Variants in MAN1C1 observed in about 807,000 individuals in gnomAD.
MAN1C1 encodes mannosyl-oligosaccharide 1,2-alpha-mannosidase IC.
In MAN1C1, 49 loss-of-function variants were observed where a neutral mutation model predicts 71.5. The observed-to-expected ratio is 0.69, with a 90% confidence interval of 0.54 to 0.87. The LOEUF (loss-of-function observed/expected upper bound fraction) is 0.87. MAN1C1 is among the 40% of genes least tolerant of loss of function. The pLI is 0.00. For missense variants in MAN1C1, 743 were observed against 835.0 expected, an observed-to-expected ratio of 0.89 and a Z score of 1.36; for synonymous variants, 352 against 343.7, an observed-to-expected ratio of 1.02 and a Z score of -0.27.
intron 1 of MAN1C1, among the ~76,000 whole-genome samples, chr1:25,628,522 G>GCTCTCGAA (rs576199657): frequency 9.6e-4 from 146 of 152,236 alleles, no homozygotes; most frequent in Middle Eastern, 3.4e-3. Context: ...TGGTCAGGCT[G>GCTCTCGAA]CTCTCGAACT....
chr1:25,767,562 TCACACACACCCACACACACAGACC>T (rs1191162555), intron 7 of MAN1C1, among the ~76,000 whole-genome samples: 6 of 82,110 alleles, frequency 7.3e-5, no homozygotes, highest in East Asian at 4.3e-4. Context: ...CACACTCCCC[TCACACACACCCACACACACAGACC>T]CACATACCAC....
chr1:25,706,812 A>G (rs772955178), intron 2 of MAN1C1, among the ~76,000 whole-genome samples: 1 of 152,162 alleles, frequency 6.6e-6, no homozygotes, highest in African/African-American at 2.4e-5. Flanking sequence ...TCATGACCCT[A>G]CTAGGCCTGG....
In MAN1C1 at chr1:25,778,275, G is replaced by A; in HGVS notation, c.1428G>A (p.Glu476=). Residue 476 remains glutamate, a synonymous_variant, in exon 9 of 12, where the codon GAG becomes GAA. Coordinates refer to ENST00000374332, the MANE Select transcript of MAN1C1 (RefSeq NM_020379.4). The surrounding 1 kb of genome is among the most constrained non-coding windows in gnomAD (Gnocchi z 5.5). ...AAGAAAAGAGGGCCCACTACCGAGA[G>A]CTCGCAGCCCAGATCACCAAGACGT... ...AKEEKRAHYR[E]LAAQITKTCH... 6.2e-7 allele frequency: 1 copy of A among 1,614,048 alleles called. No individual in the cohort carries two copies. The highest frequency in any genetic ancestry group is 8.5e-7 in the Non-Finnish European group (1 of 1,179,958).
intron 2 of MAN1C1, among the ~76,000 whole-genome samples, chr1:25,705,600 G>A (rs992365942): frequency 6.6e-6 from 1 of 152,188 alleles, no homozygotes; most frequent in Admixed American, 6.5e-5. Flanking sequence ...TTTAGAACAG[G>A]ACTAGCTAAC....
intron 8 of MAN1C1, among the ~76,000 whole-genome samples, chr1:25,773,120 C>T (rs980398478): frequency 3.9e-5 from 6 of 152,240 alleles, no homozygotes; most frequent in Admixed American, 6.5e-5. Flanking sequence ...TATCTGGGAT[C>T]AGAGATCTTG....
chr1:25,740,529 C>T (rs972162099), intron 2 of MAN1C1, among the ~76,000 whole-genome samples: 26 of 152,090 alleles, frequency 1.7e-4, no homozygotes, highest in African/African-American at 6.0e-4. Context: ...CTCCGCCTCC[C>T]GAGTTCATGC....
chr1:25,658,026 A>G (rs1398654248), intron 1 of MAN1C1, among the ~76,000 whole-genome samples: 1 of 152,330 alleles, frequency 6.6e-6, no homozygotes, highest in South Asian at 2.1e-4. Flanking sequence ...GCTCTACACC[A>G]TCTCCTTGCC....
intron 2 of MAN1C1, among the ~76,000 whole-genome samples, chr1:25,694,495 C>T (rs1159203948): frequency 6.6e-6 from 1 of 152,220 alleles, no homozygotes; most frequent in Non-Finnish European, 1.5e-5. Flanking sequence ...ATTTTCAGAT[C>T]ACAGGCTGGG....
chr1:25,642,079 C>A (rs911839908), intron 1 of MAN1C1, among the ~76,000 whole-genome samples: 5 of 152,130 alleles, frequency 3.3e-5, no homozygotes, highest in African/African-American at 4.8e-5. Context: ...TTTGCCTGTC[C>A]CACCTAAATC....
intron 2 of MAN1C1, among the ~76,000 whole-genome samples, chr1:25,743,886 G>T (rs1423611717): frequency 6.6e-6 from 1 of 152,242 alleles, no homozygotes; most frequent in Non-Finnish European, 1.5e-5. Flanking sequence ...AGTGGGTGGG[G>T]TGGGGTGAGC....
chr1:25,738,633 G>T (rs546776870), intron 2 of MAN1C1, among the ~76,000 whole-genome samples: 2 of 152,204 alleles, frequency 1.3e-5, no homozygotes, highest in Non-Finnish European at 2.9e-5. Context: ...AGGCTGACTC[G>T]ACAGCTGGGT....
At position 25,661,784 on chromosome 1, in the gene MAN1C1, T is replaced by G. The variant is rs1187202962; in HGVS notation, c.541-24656T>G. On this transcript the variant is annotated intron_variant, in intron 1 of 11. Transcript: ENST00000374332. ...TTGAAGGGAGATCTAAGATGAAACC[T>G]TTGCACCTGCAAGGAGTTAAAAATA... Among the ~76,000 whole-genome samples, 4 of 152,206 alleles carry G rather than the reference T, an allele frequency of 2.6e-5. No homozygotes were observed. The East Asian group carries it at 5.8e-4, about 22-fold the overall frequency.
rs573982144 is a variant in MAN1C1, at chr1:25,691,781, A to G, written c.637+5245A>G. On this transcript the variant is annotated intron_variant, in intron 2 of 11. Transcript: ENST00000374332. ...TAGGCTGTGTACCTCTCACAACTTC[A>G]TTTAAGCAGCTTACACTGGAACTTT... 4.6e-5 allele frequency among the ~76,000 whole-genome samples: 7 copies of G among 152,290 alleles called. No individual in the cohort carries two copies. In the South Asian group the frequency reaches 1.5e-3, roughly 32 times the overall value.
chr1:25,697,874 T>A (rs1280150184), intron 2 of MAN1C1, among the ~76,000 whole-genome samples: 1 of 152,192 alleles, frequency 6.6e-6, no homozygotes, highest in Non-Finnish European at 1.5e-5. Flanking sequence ...TGCCCCATTA[T>A]CCTTGCCAGT....
intron 9 of MAN1C1, among the ~76,000 whole-genome samples, chr1:25,780,278 C>A (rs12043011): frequency 0.12 from 18,834 of 152,118 alleles, 1,371 homozygotes; most frequent in South Asian, 0.31. Flanking sequence ...AGAATGACAG[C>A]AAATTGCCTC....
rs1231077427 is a variant in MAN1C1, at chr1:25,753,795, C to A, written c.929+217C>A. Among the ~76,000 whole-genome samples the A allele has an allele frequency of 6.6e-6, 1 of 152,134 alleles. No individual in the cohort carries two copies. The highest frequency in any genetic ancestry group is 1.9e-4 in the East Asian group (1 of 5,178). On this transcript the variant is annotated intron_variant, in intron 5 of 11. Transcript: ENST00000374332. The surrounding 1 kb of genome is among the most constrained non-coding windows in gnomAD (Gnocchi z 4.9). ...ACCTACCTTGGGAGCCACAGTGAGT[C>A]GGTGGCACGGTGAAAGTGCCAGCGA...
At chr1:25,621,004 A>G (rs909246182) in intron 1 of MAN1C1, among the ~76,000 whole-genome samples, 2 of 152,242 alleles carry the variant, frequency 1.3e-5, no homozygotes, top group Admixed American at 6.5e-5. Context: ...CCCACAGAAC[A>G]TGGGTTGGAG....
chr1:25,675,962 T>A (rs2046061270), intron 1 of MAN1C1, among the ~76,000 whole-genome samples: 2 of 152,114 alleles, frequency 1.3e-5, no homozygotes, highest in Non-Finnish European at 2.9e-5. Context: ...TCAATGTGCG[T>A]TTGAATCACC....
intron 1 of MAN1C1, among the ~76,000 whole-genome samples, chr1:25,644,277 T>C (rs1199096556): frequency 6.6e-6 from 1 of 151,740 alleles, no homozygotes; most frequent in Non-Finnish European, 1.5e-5. Context: ...GTGGGAGGTG[T>C]TGTGCATGTG....
Sources: allele counts gnomAD v4.1 joint callset (sites outside exome capture counted in the v4.1 genomes callset), GRCh38; gene constraint gnomAD v4.1.1; non-coding constraint Gnocchi (gnomAD v3.1); transcripts MANE v1.5; gene names NCBI Gene and HGNC (gene_info 2026-07-23, HGNC 2026-07-21).